The following GPR37 variants were observed in gnomAD, a reference collection of about 807,000 sequenced individuals.
GPR37 encodes the protein G protein-coupled receptor 37.
A neutral mutation model predicts 43.6 loss-of-function variants in GPR37; 20 were observed. That is an observed-to-expected ratio of 0.46 (90% CI 0.32 to 0.67). The LOEUF (loss-of-function observed/expected upper bound fraction) is 0.67, where lower values mean the gene tolerates loss of function less well. Ranked by LOEUF, GPR37 falls within the 30% of genes least tolerant of loss-of-function variation. The pLI, the probability that GPR37 is intolerant of heterozygous loss-of-function variation, is 0.03. For synonymous variants in GPR37, 315 were observed against 322.6 expected (o/e 0.98, Z 0.25); for missense variants, 724 against 797.2 (o/e 0.91, Z 1.11).
In GPR37 at chr7:124,764,209, C is replaced by T. The variant is rs867790026; in HGVS notation, c.768G>A (p.Gln256=). The change falls in exon 1 of 2, where the codon CAG becomes CAA. Residue 256 remains glutamine (Q), a synonymous_variant. Transcript: ENST00000303921. This position sits in a 1 kb window ranked among gnomAD's most constrained non-coding sequence, Gnocchi z 5.4. Reference sequence around the variant, plus strand: ...TGACCGCGTAGGCTCCATAGGACTCCTGGGTCAGCGGGTAGAAGGGGTTCT... The same window carrying T: ...TGACCGCGTAGGCTCCATAGGACTCTTGGGTCAGCGGGTAGAAGGGGTTCT... ...RLKNPFYPLT[Q]ESYGAYAVMC... 1.3e-6 allele frequency: 2 copies of T among 1,593,582 alleles called. No homozygotes were observed. The highest frequency in any genetic ancestry group is 2.2e-5 in the East Asian group (1 of 44,728).
chr7:124,745,322 G>C lies in GPR37; in HGVS notation c.*1203C>G, dbSNP rs147921858. ...ACTGTGTCACTAGGTCATGGTCTCT[G>C]CCACCTGAGTTAGACATGTGTCCCA... On this transcript the variant is annotated 3_prime_UTR_variant, in exon 2 of 2. Transcript: ENST00000303921. Among the ~76,000 whole-genome samples the C allele has an allele frequency of 1.6e-4, 24 of 152,242 alleles. No homozygotes were observed. Among genetic ancestry groups the C allele is most frequent in the Middle Eastern group, 3.4e-3 (1 of 294 alleles).
chr7:124,754,582 A>C (rs1426467976), intron 1 of GPR37, among the ~76,000 whole-genome samples: 1 of 152,166 alleles, frequency 6.6e-6, no homozygotes, highest in African/African-American at 2.4e-5. Context: ...AGTGACTAGA[A>C]TACACTGGTT....
chr7:124,762,036 G>A (rs895951123), intron 1 of GPR37, among the ~76,000 whole-genome samples: 2 of 151,926 alleles, frequency 1.3e-5, no homozygotes, highest in Non-Finnish European at 2.9e-5. Context: ...AATACAGAAA[G>A]TAAAAGATTT....
At chr7:124,756,238 C>A (rs1445358020) in intron 1 of GPR37, among the ~76,000 whole-genome samples, 1 of 151,828 alleles carries the variant, frequency 6.6e-6, no homozygotes, top group East Asian at 1.9e-4. Context: ...GCTATTTTGA[C>A]AGAAAAAAAG....
At chr7:124,752,594 CAAG>C (rs1288730775) in intron 1 of GPR37, among the ~76,000 whole-genome samples, 1 of 152,122 alleles carries the variant, frequency 6.6e-6, no homozygotes. Context: ...ACTAGTTTAA[CAAG>C]ATTGGAAGAC....
At position 124,746,638 on chromosome 7, in the gene GPR37, T is replaced by G; in HGVS notation, c.1729A>C (p.Thr577Pro). The G allele has an allele frequency of 6.2e-7, 1 of 1,613,928 alleles. No individual in the cohort carries two copies. The highest frequency in any genetic ancestry group is 2.2e-5 in the East Asian group (1 of 44,864). The stretch of plus-strand genomic sequence containing the variant: ...TTGTCATTGTCATCACTGGTCACCG[T>G]TGAAGACTTCTGAATGCATTCCTCA... ...CCEECIQKSS[T>P]VTSDDNDNEY... The change falls in exon 2 of 2, where the codon ACG (threonine) becomes CCG (proline). Residue 577 changes from threonine to proline, a missense_variant. This residue lies in a region of GPR37 where 342 missense variants were observed against 441.8 expected (regional missense o/e 0.77). Coordinates refer to ENST00000303921, the MANE Select transcript of GPR37 (RefSeq NM_005302.5).
intron 1 of GPR37, among the ~76,000 whole-genome samples, chr7:124,758,900 T>C (rs1793821600): frequency 6.6e-6 from 1 of 152,166 alleles, no homozygotes; most frequent in South Asian, 2.1e-4. Context: ...GTGTGGGTTC[T>C]TTAAACTAAA....
chr7:124,761,018 G>T (rs569742879), intron 1 of GPR37, among the ~76,000 whole-genome samples: 1 of 152,064 alleles, frequency 6.6e-6, no homozygotes, highest in East Asian at 1.9e-4. Context: ...AATTAGCCGG[G>T]TGTGGTGACA....
In GPR37 at chr7:124,745,611, T is replaced by A. The variant is rs4731206; in HGVS notation, c.*914A>T. On this transcript the variant is annotated 3_prime_UTR_variant, in exon 2 of 2. Transcript: ENST00000303921. ...AGAAAAATTAGAACTCAGAGTGCTT[T>A]ACGTAGGATTCACAAAGCTTCAAAG... 0.25 allele frequency among the ~76,000 whole-genome samples: 37,579 copies of A among 152,082 alleles called. 5,539 individuals are homozygous for A. Among genetic ancestry groups the A allele is most frequent in the East Asian group, 0.47 (2,412 of 5,170 alleles).
At chr7:124,763,764 G>C (rs7809795) in intron 1 of GPR37, among the ~76,000 whole-genome samples, 190 bp downstream of exon 1, 55 of 152,226 alleles carry the variant, frequency 3.6e-4, no homozygotes, top group African/African-American at 1.3e-3. Flanking sequence ...GAATTTGAAG[G>C]TGATTTCGCG....
At position 124,747,123 on chromosome 7, in the gene GPR37, G is replaced by A. The variant is rs763636472; in HGVS notation, c.1244C>T (p.Pro415Leu). The change falls in exon 2 of 2, where the codon CCG becomes CTG. Residue 415 changes from proline (P) to leucine (L), a missense_variant. This residue lies in a region of GPR37 where 342 missense variants were observed against 441.8 expected (regional missense o/e 0.77). Coordinates refer to ENST00000303921, the MANE Select transcript of GPR37 (RefSeq NM_005302.5). ...KEDLGFSGRA[P>L]AERCIIKISP... ...GATCTTAATAATGCACCTTTCTGCC[G>A]GAGCTCGGCCACTAAACCCCAAATC... 77 of 1,613,780 alleles carry A rather than the reference G, an allele frequency of 4.8e-5. No individual in the cohort carries two copies. Among genetic ancestry groups the A allele is most frequent in the African/African-American group, 1.1e-4 (8 of 74,866 alleles).
rs1270361062 is a variant in GPR37, at chr7:124,746,972, A to G, written c.1395T>C (p.Thr465=). The G allele has an allele frequency of 6.2e-7, 1 of 1,614,006 alleles. No homozygotes were observed. Among genetic ancestry groups the G allele is most frequent in the Non-Finnish European group, 8.5e-7 (1 of 1,179,936 alleles). ...TCTCTGCTTTGCGGATTTTCCTCGC[A>G]GTCACTAGAGAGCAGGTGATGGTGA... is the stretch of plus-strand genomic sequence containing the variant. ...TLFTITCSLV[T]ARKIRKAEKA... Residue 465 remains threonine (T), a synonymous_variant, in exon 2 of 2, where the codon ACT becomes ACC. Coordinates refer to ENST00000303921, the MANE Select transcript of GPR37 (RefSeq NM_005302.5).
In GPR37 at chr7:124,764,748, C is replaced by T; in HGVS notation, c.229G>A (p.Gly77Arg). The change falls in exon 1 of 2, where the codon GGG becomes AGG. Residue 77 changes from glycine to arginine, a missense_variant. Coordinates refer to ENST00000303921, the MANE Select transcript of GPR37 (RefSeq NM_005302.5). This position sits in a 1 kb window ranked among gnomAD's most constrained non-coding sequence, Gnocchi z 5.4. ...LRARAPREEQ[G>R]AAFLAGPSWD... ...GAGGGTCCCGCAAGAAACGCTGCCC[C>T]CTGCTCCTCCCTGGGTGCTCGGGCT... The T allele has an allele frequency of 7.4e-6, 12 of 1,611,646 alleles. No homozygotes were observed. The highest frequency in any genetic ancestry group is 7.6e-6 in the Non-Finnish European group (9 of 1,179,796).
chr7:124,765,199 GT>G lies in GPR37; in HGVS notation c.-224del, dbSNP rs2116331998. On this transcript the variant is annotated 5_prime_UTR_variant, in exon 1 of 2. Coordinates refer to ENST00000303921, the MANE Select transcript of GPR37 (RefSeq NM_005302.5). The stretch of plus-strand genomic sequence containing the variant: ...GGCATCTTGTGCATTTCTCAGCCAA[GT>G]TGAGTCCCAGCAAGGTATGCCCTCC... 2 of 459,752 alleles carry G rather than the reference GT, an allele frequency of 4.4e-6. No homozygotes were observed. The highest frequency in any genetic ancestry group is 7.8e-5 in the Admixed American group (2 of 25,794). The allele number at this position is 459,752 out of a possible 1,614,324, so 28.5% of individuals were successfully genotyped here.
intron 1 of GPR37, among the ~76,000 whole-genome samples, chr7:124,757,439 T>C (rs1793803944): frequency 6.6e-6 from 1 of 152,210 alleles, no homozygotes; most frequent in African/African-American, 2.4e-5. Context: ...CAATTATTAT[T>C]ATGGACTTTC....
At position 124,745,055 on chromosome 7, in the gene GPR37, A is replaced by G. The variant is rs1201820718; in HGVS notation, c.*1470T>C. 1 of 152,182 alleles carries G rather than the reference A, an allele frequency of 6.6e-6. No homozygotes were observed. The highest frequency in any genetic ancestry group is 1.5e-5 in the Non-Finnish European group (1 of 68,028). The allele number at this position is 152,182 out of a possible 1,614,324, so 9.4% of individuals were successfully genotyped here. A position where few individuals can be genotyped will look rare whatever the true frequency, so the allele number is the denominator to read the frequency against. Reference sequence around the variant, plus strand: ...CCCTTTGAAAAGTATTGGACTGGGAAAAAGGAGATAGCCTGGGCACTGCCA... The same window carrying G: ...CCCTTTGAAAAGTATTGGACTGGGAGAAAGGAGATAGCCTGGGCACTGCCA... On this transcript the variant is annotated 3_prime_UTR_variant, in exon 2 of 2. Transcript: ENST00000303921.
Position 124,764,627 on chromosome 7 carries a change from G to C in GPR37, c.350C>G (p.Pro117Arg). 6.3e-7 allele frequency: 1 copy of C among 1,592,004 alleles called. No homozygotes were observed. The highest frequency in any genetic ancestry group is 8.6e-7 in the Non-Finnish European group (1 of 1,168,316). Residue 117 changes from proline to arginine, a missense_variant, in exon 1 of 2, where the codon CCT (proline) becomes CGT (arginine). Around this residue, in one of 2 missense-constraint regions of GPR37, gnomAD observed 382 missense variants for 355.4 expected, o/e 1.07. Coordinates refer to ENST00000303921, the MANE Select transcript of GPR37 (RefSeq NM_005302.5). This position sits in a 1 kb window ranked among gnomAD's most constrained non-coding sequence, Gnocchi z 5.4. The stretch of plus-strand genomic sequence containing the variant: ...AGCACCTTTCCACCTCCAGGGGCCA[G>C]GTGGCCTGGTTGGAGGTCCCGGGGG... ...AGPPGPPTRP[P>R]GPWRWKGARG...
At position 124,764,560 on chromosome 7, in the gene GPR37, G is replaced by GGGGA; in HGVS notation, c.416_417insTCCC (p.Thr140ProfsTer27). 6.2e-7 allele frequency: 1 copy of GGGGA among 1,613,132 alleles called. No individual in the cohort carries two copies. Among genetic ancestry groups the GGGGA allele is most frequent in the South Asian group, 1.1e-5 (1 of 91,066 alleles). Reference sequence around the variant, plus strand: ...TCTGAAGGAAGAGCTGGAGGGCCGTGGGGTTCCCTCTCCCCAAAGTTTCAG... The same window carrying GGGGA: ...TCTGAAGGAAGAGCTGGAGGGCCGTGGGGAGGGTTCCCTCTCCCCAAAGTTTCAG... On this transcript the variant is annotated frameshift_variant, in exon 1 of 2. Coordinates refer to ENST00000303921, the MANE Select transcript of GPR37 (RefSeq NM_005302.5). LOFTEE classifies it high-confidence loss of function. This position sits in a 1 kb window ranked among gnomAD's most constrained non-coding sequence, Gnocchi z 5.4.
At position 124,745,598 on chromosome 7, in the gene GPR37, A is replaced by C. The variant is rs1331717462; in HGVS notation, c.*927T>G. ...ATTTTTCAAAAGGAGAAAAATTAGA[A>C]CTCAGAGTGCTTTACGTAGGATTCA... On this transcript the variant is annotated 3_prime_UTR_variant, in exon 2 of 2. Transcript: ENST00000303921. Among the ~76,000 whole-genome samples the C allele has an allele frequency of 4.6e-5, 7 of 152,170 alleles. No homozygotes were observed. The highest frequency in any genetic ancestry group is 6.6e-5 in the Admixed American group (1 of 15,262).
Sources: gnomAD v4.1 joint callset for allele counts (sites outside exome capture counted in the v4.1 genomes callset) on GRCh38, gnomAD v4.1.1 for gene constraint, gnomAD v4.1.1 regional missense constraint, Gnocchi (gnomAD v3.1) non-coding constraint, MANE v1.5 for transcripts, NCBI Gene and HGNC (gene_info 2026-07-23, HGNC 2026-07-21) for gene names.